Variants in TSC22D2 observed in about 807,000 individuals in gnomAD.
TSC22D2 encodes TSC22 domain family member 2.
Under a neutral mutation model 50.1 loss-of-function variants are expected in TSC22D2, and 5 were observed. The observed-to-expected ratio is 0.10, with a 90% CI of 0.05 to 0.21. The LOEUF is 0.21. Among genes scored for constraint, TSC22D2 ranks in the 10% least tolerant of loss-of-function variants. The probability of loss-of-function intolerance (pLI) is 1.00; values close to 1 mark genes in which losing one functional copy is unlikely to be tolerated. For synonymous variants in TSC22D2, 501 were observed against 450.1 expected, an observed-to-expected ratio of 1.11 and a Z score of -1.43; for missense variants, 1,003 against 1,015.5, an observed-to-expected ratio of 0.99 and a Z score of 0.17.
chr3:150,451,527 T>C (rs186916726), intron 1 of TSC22D2, among the ~76,000 whole-genome samples: 2 of 152,340 alleles, frequency 1.3e-5, no homozygotes, highest in African/African-American at 4.8e-5. Flanking sequence ...GTTAAAGCAC[T>C]CTTAATAATA....
intron 1 of TSC22D2, among the ~76,000 whole-genome samples, chr3:150,455,136 A>G (rs189403257): frequency 9.6e-4 from 147 of 152,344 alleles, no homozygotes; most frequent in Non-Finnish European, 1.7e-3. Context: ...TGTCATGTCA[A>G]TAAAAATATA....
At position 150,463,740 on chromosome 3, in the gene TSC22D2, C is replaced by G. The variant is rs1469941900; in HGVS notation, c.*5104C>G. 1 of 152,178 alleles carries G rather than the reference C, an allele frequency of 6.6e-6. No individual in the cohort carries two copies. Among genetic ancestry groups the G allele is most frequent in the East Asian group, 1.9e-4 (1 of 5,200 alleles). The allele number at this position is 152,178 out of a possible 1,614,324, so 9.4% of individuals were successfully genotyped here. On this transcript the variant is annotated 3_prime_UTR_variant, in exon 3 of 3. Coordinates refer to ENST00000688009, the MANE Select transcript of TSC22D2 (RefSeq NM_001303264.2). ...ACATTCTTGCTTGCCCACCACCCCCCCGAACCCCGCCATGGAATCATCAAA... is the reference window on the plus strand; with the variant it reads ...ACATTCTTGCTTGCCCACCACCCCCGCGAACCCCGCCATGGAATCATCAAA...
chr3:150,445,943 AAGT>A, intron 1 of TSC22D2, among the ~76,000 whole-genome samples: 1 of 151,998 alleles, frequency 6.6e-6, no homozygotes, highest in South Asian at 2.1e-4. Flanking sequence ...AAAATACAAA[AAGT>A]AGCTGGGCAT....
intron 1 of TSC22D2, chr3:150,423,165 C>A: frequency 7.0e-7 from 1 of 1,428,254 alleles, no homozygotes; most frequent in Non-Finnish European, 9.8e-7. Flanking sequence ...AAACTGTATG[C>A]ATGAATTGCT....
intron 1 of TSC22D2, among the ~76,000 whole-genome samples, chr3:150,414,440 C>G (rs1023632219): frequency 8.5e-5 from 13 of 152,148 alleles, no homozygotes; most frequent in Non-Finnish European, 8.8e-5. Flanking sequence ...GATCACTTTC[C>G]ATAGATAGCC....
intron 1 of TSC22D2, among the ~76,000 whole-genome samples, chr3:150,439,707 T>G (rs1720654549): frequency 6.6e-6 from 1 of 152,196 alleles, no homozygotes; most frequent in South Asian, 2.1e-4. Context: ...GATTTTCATC[T>G]GTCAAAAACA....
rs1266003226 is a variant in TSC22D2 at position 150,463,018 on chromosome 3, A to G, written c.*4382A>G. 2.0e-5 allele frequency: 3 copies of G among 152,218 alleles called. No individual in the cohort carries two copies. Among genetic ancestry groups the G allele is most frequent in the African/African-American group, 7.2e-5 (3 of 41,456 alleles). The allele number at this position is 152,218 out of a possible 1,614,324, so 9.4% of individuals were successfully genotyped here. A position where few individuals can be genotyped will look rare whatever the true frequency, so the allele number is the denominator to read the frequency against. On this transcript the variant is annotated 3_prime_UTR_variant, in exon 3 of 3. Transcript: ENST00000688009. ...AAGTTTGACTCGGTCTTTTCCTTCC[A>G]ACAGTTATAAATCTGTGAAATGAAA...
At chr3:150,438,600 A>G (rs1271102347) in intron 1 of TSC22D2, among the ~76,000 whole-genome samples, 1 of 152,198 alleles carries the variant, frequency 6.6e-6, no homozygotes, top group African/African-American at 2.4e-5. Flanking sequence ...GTATTATAGT[A>G]AGATTATTAA....
rs1721310089 is a variant in TSC22D2, at chr3:150,459,569, G to GTTGTTTTTTTTTT, written c.*936_*948dup. 3 of 86,044 alleles carry GTTGTTTTTTTTTT rather than the reference G, an allele frequency of 3.5e-5. No homozygotes were observed. Among genetic ancestry groups the GTTGTTTTTTTTTT allele is most frequent in the Admixed American group, 1.1e-4 (1 of 9,458 alleles). The allele number at this position is 86,044 out of a possible 1,614,324, so 5.3% of individuals were successfully genotyped here. A position where few individuals can be genotyped will look rare whatever the true frequency, so the allele number is the denominator to read the frequency against. ...GTGTAATGGAGTTTGGTTTTTTTTT[G>GTTGTTTTTTTTTT]TTGTTTTTTTTTTTTTGTCTTTTTT... is the stretch of plus-strand genomic sequence containing the variant. On this transcript the variant is annotated 3_prime_UTR_variant, in exon 3 of 3. Coordinates refer to ENST00000688009, the MANE Select transcript of TSC22D2 (RefSeq NM_001303264.2).
chr3:150,433,445 G>A (rs577113912), intron 1 of TSC22D2, among the ~76,000 whole-genome samples: 2 of 152,328 alleles, frequency 1.3e-5, no homozygotes, highest in African/African-American at 4.8e-5. Flanking sequence ...CAGAATATAT[G>A]TAACCTTTGT....
intron 1 of TSC22D2, among the ~76,000 whole-genome samples, chr3:150,456,582 G>A (rs1721198297): frequency 2.0e-5 from 3 of 151,300 alleles, no homozygotes; most frequent in Admixed American, 6.6e-5. Flanking sequence ...AGATGTTAAA[G>A]TATAAAACTT....
At chr3:150,443,145 C>G (rs909733997) in intron 1 of TSC22D2, among the ~76,000 whole-genome samples, 1 of 152,198 alleles carries the variant, frequency 6.6e-6, no homozygotes, top group African/African-American at 2.4e-5. Flanking sequence ...GTCATCCAGC[C>G]TCTGAATACC....
intron 1 of TSC22D2, among the ~76,000 whole-genome samples, chr3:150,453,672 C>T (rs1721108919): frequency 6.6e-6 from 1 of 152,194 alleles, no homozygotes; most frequent in South Asian, 2.1e-4. Context: ...GATTCTGGTT[C>T]AGGGACTACA....
chr3:150,409,128 C>A lies in TSC22D2; in HGVS notation c.-223C>A. 2 of 448,638 alleles carry A rather than the reference C, an allele frequency of 4.5e-6. No homozygotes were observed. Among genetic ancestry groups the A allele is most frequent in the South Asian group, 5.0e-5 (1 of 19,806 alleles). 27.8% of individuals were successfully genotyped at this position (448,638 alleles called of 1,614,324 possible). A position where few individuals can be genotyped will look rare whatever the true frequency, so the allele number is the denominator to read the frequency against. On this transcript the variant is annotated 5_prime_UTR_variant, in exon 1 of 3. Coordinates refer to ENST00000688009, the MANE Select transcript of TSC22D2 (RefSeq NM_001303264.2). This position sits in a 1 kb window ranked among gnomAD's most constrained non-coding sequence, Gnocchi z 7.4. Reference sequence around the variant, plus strand: ...AGGAGGAGCCGCCGCGGGACTGAGACGGGGGCAGAGCCGAAGAGACCGACA... The same window carrying A: ...AGGAGGAGCCGCCGCGGGACTGAGAAGGGGGCAGAGCCGAAGAGACCGACA...
chr3:150,427,559 A>T (rs1720234134), intron 1 of TSC22D2, among the ~76,000 whole-genome samples: 1 of 152,186 alleles, frequency 6.6e-6, no homozygotes, highest in Non-Finnish European at 1.5e-5. Context: ...CCTAGTGATT[A>T]TGCATAAGTA....
intron 1 of TSC22D2, among the ~76,000 whole-genome samples, chr3:150,413,466 G>A (rs1179582058): frequency 1.3e-5 from 2 of 151,268 alleles, no homozygotes; most frequent in East Asian, 3.9e-4. Context: ...TTTCCAAGAT[G>A]TAATCTTACA....
At chr3:150,420,252 T>A (rs1719961117) in intron 1 of TSC22D2, among the ~76,000 whole-genome samples, 1 of 152,202 alleles carries the variant, frequency 6.6e-6, no homozygotes, top group Non-Finnish European at 1.5e-5. Flanking sequence ...ACTCCTTTAA[T>A]CTGTTAGTCA....
rs559950006 is a variant in TSC22D2, at chr3:150,408,853, G to A, written c.-498G>A. 565 of 153,950 alleles carry A rather than the reference G, an allele frequency of 3.7e-3. 9 individuals carry two copies. Among genetic ancestry groups the A allele is most frequent in the Non-Finnish European group, 8.0e-4 (55 of 69,100 alleles). The allele number at this position is 153,950 out of a possible 1,614,324, so 9.5% of individuals were successfully genotyped here. Reference sequence around the variant, plus strand: ...GTCAGAGAGCCCAGCGCTGACGCCGGCACCGGCCTGAGGAGCCCGAGCGGG... The same window carrying A: ...GTCAGAGAGCCCAGCGCTGACGCCGACACCGGCCTGAGGAGCCCGAGCGGG... On this transcript the variant is annotated 5_prime_UTR_variant, in exon 1 of 3. Coordinates refer to ENST00000688009, the MANE Select transcript of TSC22D2 (RefSeq NM_001303264.2).
At chr3:150,446,059 A>T (rs1008999399) in intron 1 of TSC22D2, among the ~76,000 whole-genome samples, 1 of 143,520 alleles carries the variant, frequency 7.0e-6, no homozygotes, top group South Asian at 2.2e-4. Context: ...GTGCCACTGC[A>T]CTCCAGCCTG....
Sources: gnomAD v4.1 joint callset for allele counts (sites outside exome capture counted in the v4.1 genomes callset) on GRCh38, gnomAD v4.1.1 for gene constraint, Gnocchi (gnomAD v3.1) non-coding constraint, MANE v1.5 for transcripts, NCBI Gene and HGNC (gene_info 2026-07-23, HGNC 2026-07-21) for gene names.